Variants in MDGA2 observed in about 807,000 individuals in gnomAD.
The protein encoded by MDGA2 is MAM domain containing glycosylphosphatidylinositol anchor 2.
In MDGA2, 40 loss-of-function variants were observed where a neutral mutation model predicts 117.8. The ratio of observed to expected loss-of-function variants is 0.34; its 90% CI spans 0.26 to 0.44. The LOEUF is 0.44. Among genes scored for constraint, MDGA2 ranks in the 20% least tolerant of loss-of-function variants. The probability of loss-of-function intolerance (pLI) is 1.00; values close to 1 mark genes in which losing one functional copy is unlikely to be tolerated. For missense variants in MDGA2, 1,123 were observed against 1,250.6 expected (o/e 0.90, Z 1.54); for synonymous variants, 452 against 439.0 (o/e 1.03, Z -0.37).
chr14:47,131,986 C>G (rs893162752), intron 4 of MDGA2, 140 bp from the exon 5 acceptor site: 2 of 586,806 alleles, frequency 3.4e-6, no homozygotes, highest in Non-Finnish European at 5.2e-6. Flanking sequence ...AGGGAAATGT[C>G]CTATCTTTCA....
intron 8 of MDGA2, among the ~76,000 whole-genome samples, chr14:46,986,777 T>C (rs1252828582): frequency 1.1e-4 from 17 of 152,134 alleles, no homozygotes; most frequent in Non-Finnish European, 8.8e-5. Context: ...ATTTAATTAT[T>C]GAAGTCAGTA....
intron 3 of MDGA2, chr14:47,200,531 T>TTCC: frequency 1.6e-6 from 1 of 611,754 alleles, no homozygotes; most frequent in Non-Finnish European, 2.5e-6. Context: ...TTCTTTTTCT[T>TTCC]TTCTTTTTTT....
chr14:47,376,884 G>C (rs971885554), intron 1 of MDGA2, among the ~76,000 whole-genome samples: 7 of 152,084 alleles, frequency 4.6e-5, no homozygotes, highest in African/African-American at 9.7e-5. Flanking sequence ...CTTTCCAAAA[G>C]ATTAATTACA....
intron 9 of MDGA2, among the ~76,000 whole-genome samples, chr14:46,943,020 T>C (rs1885053423): frequency 6.6e-6 from 1 of 152,092 alleles, no homozygotes; most frequent in South Asian, 2.1e-4. Flanking sequence ...AATTATGGAA[T>C]AGTGTGTTAC....
At chr14:46,973,902 TA>T (rs1047849123) in intron 8 of MDGA2, among the ~76,000 whole-genome samples, 7 of 11,964 alleles carry the variant, frequency 5.9e-4, no homozygotes, top group Admixed American at 3.9e-3. Context: ...AAATTATTGT[TA>T]TTTTTTTTTT....
chr14:47,281,042 A>G (rs1031889953), intron 2 of MDGA2, among the ~76,000 whole-genome samples: 4 of 148,038 alleles, frequency 2.7e-5, no homozygotes, highest in Non-Finnish European at 4.5e-5. Context: ...TTAATATAAT[A>G]TAAAATTAAC....
intron 1 of MDGA2, among the ~76,000 whole-genome samples, chr14:47,451,589 A>C (rs533331532): frequency 6.6e-6 from 1 of 152,112 alleles, no homozygotes. Context: ...AGATGAGAAA[A>C]TAGATGCATT....
At chr14:47,092,420 T>G (rs978322572) in intron 6 of MDGA2, among the ~76,000 whole-genome samples, 8 of 152,056 alleles carry the variant, frequency 5.3e-5, no homozygotes, top group Non-Finnish European at 7.4e-5. Context: ...TTGGAGAAAG[T>G]GGAAGAAATC....
chr14:47,620,703 T>C (rs1176251849), intron 1 of MDGA2, among the ~76,000 whole-genome samples: 2 of 152,122 alleles, frequency 1.3e-5, no homozygotes, highest in Non-Finnish European at 2.9e-5. Flanking sequence ...ATTGTATGGC[T>C]CAAATACAGT....
At chr14:47,372,092 C>A (rs1393634505) in intron 1 of MDGA2, among the ~76,000 whole-genome samples, 1 of 151,522 alleles carries the variant, frequency 6.6e-6, no homozygotes, top group Admixed American at 6.6e-5. Context: ...TTACTGAATA[C>A]CTTAGAAACA....
In MDGA2 at chr14:47,295,975, TA is replaced by T. The variant is rs1312522664; in HGVS notation, c.420+5435del. 3.7e-3 allele frequency among the ~76,000 whole-genome samples: 559 copies of T among 150,756 alleles called. 3 individuals are homozygous for T. Among genetic ancestry groups the T allele is most frequent in the South Asian group, 0.015 (72 of 4,736 alleles). On this transcript the variant is annotated intron_variant, in intron 2 of 16. Coordinates refer to ENST00000399232, the MANE Select transcript of MDGA2 (RefSeq NM_001113498.3). ...ATAGATAGATAGATAGATAGATAGA[TA>T]GATATAGTAAAGCTGTAGAAGTTAA... is the stretch of plus-strand genomic sequence containing the variant.
intron 1 of MDGA2, among the ~76,000 whole-genome samples, chr14:47,303,228 T>C (rs1017140572): frequency 1.3e-5 from 2 of 152,188 alleles, no homozygotes; most frequent in Admixed American, 6.5e-5. Context: ...CTGGGTATTA[T>C]ATTCGTTGGC....
At chr14:47,058,729 AG>A in intron 7 of MDGA2, 1 of 985,380 alleles carries the variant, frequency 1.0e-6, no homozygotes, top group South Asian at 4.7e-5. Context: ...GGAACATCAA[AG>A]GTCAGTTTTG....
chr14:47,299,998 C>T (rs1217900058), intron 2 of MDGA2, among the ~76,000 whole-genome samples: 1 of 151,940 alleles, frequency 6.6e-6, no homozygotes, highest in Non-Finnish European at 1.5e-5. Flanking sequence ...ACATATTTTA[C>T]CATTTCTGTT....
chr14:47,448,329 G>A (rs185922421), intron 1 of MDGA2, among the ~76,000 whole-genome samples: 1 of 151,992 alleles, frequency 6.6e-6, no homozygotes, highest in Non-Finnish European at 1.5e-5. Context: ...AGTAGAGACA[G>A]GGTTTTCATC....
rs552044809 is a variant in MDGA2 at position 47,390,419 on chromosome 14, G to A, written c.281-88869C>T. 5.9e-5 allele frequency among the ~76,000 whole-genome samples: 9 copies of A among 152,122 alleles called. 2 individuals carry two copies. The South Asian group carries it at 1.2e-3, about 21-fold the overall frequency. The stretch of plus-strand genomic sequence containing the variant: ...AGCCTAACTTTGGCTGGTGCCTCTC[G>A]CCAAAACAACCTTCCATCGTAAAGA... On this transcript the variant is annotated intron_variant, in intron 1 of 16. Coordinates refer to ENST00000399232, the MANE Select transcript of MDGA2 (RefSeq NM_001113498.3).
intron 5 of MDGA2, among the ~76,000 whole-genome samples, chr14:47,105,535 T>C (rs906211603): frequency 2.6e-5 from 4 of 151,998 alleles, no homozygotes; most frequent in Non-Finnish European, 4.4e-5. Context: ...TGCCTTATTT[T>C]CTTCTGCAAT....
chr14:47,117,108 AACAG>A (rs1323598131), intron 5 of MDGA2, among the ~76,000 whole-genome samples: 1 of 152,166 alleles, frequency 6.6e-6, no homozygotes, highest in Non-Finnish European at 1.5e-5. Flanking sequence ...TAAAGATTTG[AACAG>A]ACATTCTCCA....
chr14:47,324,657 G>T (rs375483586), intron 1 of MDGA2, among the ~76,000 whole-genome samples: 17 of 151,028 alleles, frequency 1.1e-4, no homozygotes, highest in African/African-American at 2.4e-4. Flanking sequence ...ATTTTTTTTT[G>T]ACTATGAACC....
Sources: allele counts gnomAD v4.1 joint callset (sites outside exome capture counted in the v4.1 genomes callset), GRCh38; gene constraint gnomAD v4.1.1; transcripts MANE v1.5; gene names NCBI Gene and HGNC (gene_info 2026-07-23, HGNC 2026-07-21).